FOXN3: variants seen among roughly 807,000 people sequenced by gnomAD.
FOXN3 encodes the protein forkhead box N3.
A neutral mutation model predicts 38.4 loss-of-function variants in FOXN3; 7 were observed. That is an observed-to-expected ratio of 0.18 (90% confidence interval 0.10 to 0.34). FOXN3 has a LOEUF of 0.34. Ranked by LOEUF, FOXN3 falls within the 10% of genes least tolerant of loss-of-function variation. The probability of loss-of-function intolerance (pLI) is 1.00; values close to 1 mark genes in which losing one functional copy is unlikely to be tolerated. For synonymous variants in FOXN3, 230 were observed against 242.2 expected, an observed-to-expected ratio of 0.95 and a Z score of 0.47; for missense variants, 456 against 613.4, an observed-to-expected ratio of 0.74 and a Z score of 2.71.
rs139478458 is a variant in FOXN3 at position 89,254,756 on chromosome 14, C to A, written c.745+26194G>T. Among the ~76,000 whole-genome samples, 1,148 of 152,204 alleles carry A rather than the reference C, an allele frequency of 7.5e-3. 14 individuals are homozygous for A. Among genetic ancestry groups the A allele is most frequent in the African/African-American group, 0.026 (1,089 of 41,500 alleles). ...CCAAGTTCTGCCTCTGAACACTCGT[C>A]TCCTCCATGAGGCCTTCCTAGGGGG... On this transcript the variant is annotated intron_variant, in intron 4 of 5. Transcript: ENST00000557258.
At chr14:89,597,730 G>A (rs4904590) in intron 1 of FOXN3, among the ~76,000 whole-genome samples, 1 of 152,032 alleles carries the variant, frequency 6.6e-6, no homozygotes, top group Non-Finnish European at 1.5e-5. Context: ...ACAGTTATGC[G>A]ATCTTTCTTT....
chr14:89,423,398 CTATTTT>C (rs1437540458), intron 1 of FOXN3, among the ~76,000 whole-genome samples: 1 of 152,188 alleles, frequency 6.6e-6, no homozygotes, highest in Non-Finnish European at 1.5e-5. Flanking sequence ...TTAGTGAACA[CTATTTT>C]TATTAAGCCA....
intron 1 of FOXN3, among the ~76,000 whole-genome samples, chr14:89,530,936 T>C (rs1894548477): frequency 6.8e-6 from 1 of 147,690 alleles, no homozygotes; most frequent in African/African-American, 2.5e-5. Context: ...TATAATGAAA[T>C]ATATATATTA....
intron 3 of FOXN3, among the ~76,000 whole-genome samples, chr14:89,341,890 G>A (rs902175122): frequency 3.3e-5 from 5 of 152,262 alleles, no homozygotes; most frequent in South Asian, 2.1e-4. Context: ...TGCCTAAGGC[G>A]TCGCTGTGCT....
At chr14:89,431,829 C>T (rs1892165090) in intron 1 of FOXN3, among the ~76,000 whole-genome samples, 1 of 152,154 alleles carries the variant, frequency 6.6e-6, no homozygotes, top group African/African-American at 2.4e-5. Context: ...ATTCTCCTGC[C>T]TCAGCCTCCC....
chr14:89,206,067 C>T (rs960095655), intron 4 of FOXN3, among the ~76,000 whole-genome samples: 1 of 152,208 alleles, frequency 6.6e-6, no homozygotes, highest in African/African-American at 2.4e-5. Context: ...GCATCAGACG[C>T]GGAATCTGCT....
intron 1 of FOXN3, among the ~76,000 whole-genome samples, chr14:89,609,558 T>TGAAGG (rs1896349562): frequency 6.6e-6 from 1 of 152,178 alleles, no homozygotes; most frequent in Non-Finnish European, 1.5e-5. Context: ...GCCCTCCCAA[T>TGAAGG]AATCCTTTCA....
intron 3 of FOXN3, among the ~76,000 whole-genome samples, chr14:89,330,796 C>G (rs1888225429): frequency 6.6e-6 from 1 of 152,174 alleles, no homozygotes; most frequent in South Asian, 2.1e-4. Flanking sequence ...GAAATGCCAG[C>G]AGTCATCACC....
intron 3 of FOXN3, among the ~76,000 whole-genome samples, chr14:89,292,133 C>G (rs575617884): frequency 6.6e-6 from 1 of 152,154 alleles, no homozygotes; most frequent in Admixed American, 6.5e-5. Context: ...ATTATTTCTG[C>G]CTGCGCGTGC....
intron 1 of FOXN3, among the ~76,000 whole-genome samples, chr14:89,482,767 G>T (rs77438518): frequency 0.76 from 113,405 of 149,572 alleles, 43,086 homozygotes; most frequent in Non-Finnish European, 0.81. Flanking sequence ...GAAATTAGCT[G>T]GGCATGGTGG....
At chr14:89,511,190 T>TTTCTTTCTTTCTTTC (rs1234108244) in intron 1 of FOXN3, among the ~76,000 whole-genome samples, 1 of 18,846 alleles carries the variant, frequency 5.3e-5, no homozygotes, top group African/African-American at 1.2e-4. Context: ...TCTTTCTTTC[T>TTTCTTTCTTTCTTTC]TTTCTTTCTT....
At chr14:89,201,462 C>T (rs573848404) in intron 4 of FOXN3, among the ~76,000 whole-genome samples, 2 of 152,352 alleles carry the variant, frequency 1.3e-5, no homozygotes, top group African/African-American at 4.8e-5. Context: ...TGGAGCCAGC[C>T]TCAGGTGCAA....
intron 3 of FOXN3, among the ~76,000 whole-genome samples, chr14:89,333,992 A>ATCTATATC (rs1439512561): frequency 4.5e-5 from 2 of 44,206 alleles, no homozygotes; most frequent in African/African-American, 1.2e-4. Context: ...ATATATATAT[A>ATCTATATC]TATATATATA....
At chr14:89,428,703 G>A (rs920511931) in intron 1 of FOXN3, among the ~76,000 whole-genome samples, 3 of 152,208 alleles carry the variant, frequency 2.0e-5, no homozygotes, top group African/African-American at 4.8e-5. Flanking sequence ...CGTTGGTGAC[G>A]GCAGCCATGA....
At chr14:89,184,144 T>A (rs145074241) in intron 4 of FOXN3, 2 of 152,292 alleles carry the variant, frequency 1.3e-5, no homozygotes, top group East Asian at 3.9e-4. Context: ...GCTGGAAGAA[T>A]GTAGCCATCT....
chr14:89,382,825 T>C (rs939014669), intron 2 of FOXN3, among the ~76,000 whole-genome samples: 2 of 152,124 alleles, frequency 1.3e-5, no homozygotes, highest in East Asian at 1.9e-4. Context: ...AGACAAAAGC[T>C]TGGAGGTCTC....
At chr14:89,305,744 G>A (rs1485575287) in intron 3 of FOXN3, among the ~76,000 whole-genome samples, 3 of 152,324 alleles carry the variant, frequency 2.0e-5, no homozygotes, top group South Asian at 2.1e-4. Context: ...AAGGATTTGG[G>A]AGGTGCCCTG....
chr14:89,485,546 G>A (rs1163252733), intron 1 of FOXN3, among the ~76,000 whole-genome samples: 1 of 152,152 alleles, frequency 6.6e-6, no homozygotes, highest in Non-Finnish European at 1.5e-5. Context: ...TGAGAGTAGA[G>A]TAAATAATCA....
chr14:89,236,851 T>C (rs923829709), intron 4 of FOXN3, among the ~76,000 whole-genome samples: 3 of 152,212 alleles, frequency 2.0e-5, no homozygotes, highest in South Asian at 4.1e-4. Context: ...CCACCAAGCA[T>C]TGCATCCTGA....
Sources: allele counts gnomAD v4.1 joint callset (sites outside exome capture counted in the v4.1 genomes callset), GRCh38; gene constraint gnomAD v4.1.1; transcripts MANE v1.5; gene names NCBI Gene and HGNC (gene_info 2026-07-23, HGNC 2026-07-21).